PCDHA10: variants seen among roughly 807,000 people sequenced by gnomAD.
The protein encoded by PCDHA10 is protocadherin alpha-10.
In PCDHA10, 45 loss-of-function variants were observed where a neutral mutation model predicts 61.2. The ratio of observed to expected loss-of-function variants is 0.74; its 90% CI spans 0.58 to 0.94. The LOEUF (loss-of-function observed/expected upper bound fraction) is 0.94. Among genes scored for constraint, PCDHA10 ranks in the 40% least tolerant of loss-of-function variants. The pLI is 0.00. For missense variants in PCDHA10, 1,278 were observed against 1,236.2 expected, an observed-to-expected ratio of 1.03 and a Z score of -0.51; for synonymous variants, 602 against 548.8, an observed-to-expected ratio of 1.10 and a Z score of -1.35.
rs2096251750 is a variant in PCDHA10 at position 140,968,509 on chromosome 5, C to T, written c.2389-10440C>T. 3 of 1,614,162 alleles carry T rather than the reference C, an allele frequency of 1.9e-6. No individual in the cohort carries two copies. In the South Asian group the frequency reaches 3.3e-5, roughly 18 times the overall value. On this transcript the variant is annotated intron_variant, in intron 1 of 3. Coordinates refer to ENST00000307360, the MANE Select transcript of PCDHA10 (RefSeq NM_018901.4). Reference sequence around the variant, plus strand: ...ATGACCATGCCCCTCACATTCTGTACCCTACCTCAACCAACTCGTCAGCAG... The same window carrying T: ...ATGACCATGCCCCTCACATTCTGTATCCTACCTCAACCAACTCGTCAGCAG...
chr5:140,894,484 T>C (rs2064498102), intron 1 of PCDHA10, among the ~76,000 whole-genome samples: 1 of 152,002 alleles, frequency 6.6e-6, no homozygotes, highest in Admixed American at 6.5e-5. Flanking sequence ...TTTCATCTTA[T>C]AGTTTTCTTT....
At chr5:140,873,291 T>G (rs1392246125) in intron 1 of PCDHA10, among the ~76,000 whole-genome samples, 1 of 152,198 alleles carries the variant, frequency 6.6e-6, no homozygotes, top group Admixed American at 6.5e-5. Context: ...TTATGAAACT[T>G]TATAAATATA....
chr5:140,878,790 CTT>C (rs2057728380), intron 1 of PCDHA10, among the ~76,000 whole-genome samples: 1 of 152,154 alleles, frequency 6.6e-6, no homozygotes. Context: ...TGTTCAATCA[CTT>C]TTTAAAAACA....
intron 1 of PCDHA10, among the ~76,000 whole-genome samples, chr5:140,872,352 C>T (rs568415263): frequency 7.2e-5 from 11 of 152,170 alleles, no homozygotes; most frequent in African/African-American, 2.7e-4. Context: ...TCTTGCCAGG[C>T]AAAGTGGTTC....
At chr5:140,867,140 CATT>C (rs782677875) in intron 1 of PCDHA10, 7 of 152,092 alleles carry the variant, frequency 4.6e-5, no homozygotes, top group Non-Finnish European at 1.0e-4. Context: ...GTGATATTAT[CATT>C]TTTCCAGAGT....
Position 140,913,476 on chromosome 5 carries a change from T to G in PCDHA10, c.2388+55040T>G, listed in dbSNP as rs191224245. On this transcript the variant is annotated intron_variant, in intron 1 of 3. Transcript: ENST00000307360. ...TTTATTTACTTGGGTCTTCTCTCTT[T>G]TTTTCTTCATTAGTCTGTTTAAAAC... Among the ~76,000 whole-genome samples the G allele has an allele frequency of 5.9e-3, 899 of 152,286 alleles. 12 individuals carry two copies. Among genetic ancestry groups the G allele is most frequent in the African/African-American group, 0.02 (842 of 41,576 alleles).
chr5:140,927,886 G>C, intron 1 of PCDHA10: 1 of 1,614,210 alleles, frequency 6.2e-7, no homozygotes, highest in Non-Finnish European at 8.5e-7. Flanking sequence ...GGAGGTGACT[G>C]ACGTGAACGA....
intron 1 of PCDHA10, chr5:140,869,386 C>T: frequency 6.2e-7 from 1 of 1,614,176 alleles, no homozygotes; most frequent in Non-Finnish European, 8.5e-7. Context: ...CCGCGAGGAG[C>T]TGTGCGGGCA....
intron 1 of PCDHA10, among the ~76,000 whole-genome samples, chr5:140,889,687 T>C (rs1190333599): frequency 1.3e-5 from 2 of 152,198 alleles, no homozygotes; most frequent in African/African-American, 4.8e-5. Context: ...AACCTTTTAG[T>C]ATTATGGGCA....
intron 1 of PCDHA10, among the ~76,000 whole-genome samples, chr5:140,916,342 T>C (rs1365738177): frequency 2.0e-5 from 3 of 152,122 alleles, no homozygotes; most frequent in Admixed American, 6.5e-5. Context: ...TTCCTCTGTT[T>C]CTGTCAAACA....
chr5:140,982,526 T>A lies in PCDHA10; in HGVS notation c.2499T>A (p.Pro833=). Residue 833 remains proline (P), a synonymous_variant, in exon 3 of 4, where the codon CCT becomes CCA. Coordinates refer to ENST00000307360, the MANE Select transcript of PCDHA10 (RefSeq NM_018901.4). ...TTCTACGGGCTGGTCCAGGAGGGCC[T>A]GATCAGCAGTGGCCAACAGTATCCA... ...AGILRAGPGG[P]DQQWPTVSSA... is the part of the protein sequence containing the mutation. 1.2e-6 allele frequency: 2 copies of A among 1,614,192 alleles called. No individual in the cohort carries two copies. Among genetic ancestry groups the A allele is most frequent in the Non-Finnish European group, 1.7e-6 (2 of 1,180,028 alleles).
At chr5:140,978,910 T>C in intron 1 of PCDHA10, 39 bp from the exon 2 acceptor site, 1 of 1,613,896 alleles carries the variant, frequency 6.2e-7, no homozygotes, top group Non-Finnish European at 8.5e-7. Context: ...GAACATTGTC[T>C]TGTCATTTTA....
chr5:140,973,486 C>G (rs1404281642), intron 1 of PCDHA10, among the ~76,000 whole-genome samples: 1 of 152,162 alleles, frequency 6.6e-6, no homozygotes, highest in African/African-American at 2.4e-5. Context: ...ATATTGGTCA[C>G]AGGACTCTTC....
At chr5:140,928,610 C>T (rs935238036) in intron 1 of PCDHA10, 1 of 1,614,254 alleles carries the variant, frequency 6.2e-7, no homozygotes, top group Non-Finnish European at 8.5e-7. Flanking sequence ...GTGCCCCGCT[C>T]TGCCAGGACT....
chr5:140,866,180 T>C (rs2049194377), intron 1 of PCDHA10: 1 of 152,136 alleles, frequency 6.6e-6, no homozygotes, highest in African/African-American at 2.4e-5. Context: ...GTAAGAAAAG[T>C]CAGAAAACTG....
chr5:140,896,386 C>T (rs575002506), intron 1 of PCDHA10, among the ~76,000 whole-genome samples: 1 of 152,124 alleles, frequency 6.6e-6, no homozygotes, highest in African/African-American at 2.4e-5. Context: ...TGCAACCTCA[C>T]CAGCATCTGT....
intron 1 of PCDHA10, chr5:140,867,114 G>A (rs567577345): frequency 6.6e-6 from 1 of 152,050 alleles, no homozygotes; most frequent in Non-Finnish European, 1.5e-5. Flanking sequence ...TTAACATATT[G>A]TTTTAATTCA....
chr5:140,877,256 G>C lies in PCDHA10; in HGVS notation c.2388+18820G>C, dbSNP rs782364296. 2.5e-6 allele frequency: 4 copies of C among 1,613,628 alleles called. No homozygotes were observed. In the African/African-American group the frequency reaches 5.3e-5, roughly 22 times the overall value. On this transcript the variant is annotated intron_variant, in intron 1 of 3. Transcript: ENST00000307360. Reference sequence around the variant, plus strand: ...GCGGGCCACGTGGTGGCGAAAGTGCGCGCGGTGGACGCTGACTCCGGCTAT... The same window carrying C: ...GCGGGCCACGTGGTGGCGAAAGTGCCCGCGGTGGACGCTGACTCCGGCTAT...
At chr5:140,918,241 G>C (rs1241592397) in intron 1 of PCDHA10, among the ~76,000 whole-genome samples, 4 of 152,162 alleles carry the variant, frequency 2.6e-5, no homozygotes, top group Admixed American at 1.3e-4. Flanking sequence ...CATTGATTTT[G>C]TATGCTGAAA....
Sources: allele counts gnomAD v4.1 joint callset (sites outside exome capture counted in the v4.1 genomes callset), GRCh38; gene constraint gnomAD v4.1.1; transcripts MANE v1.5; gene names NCBI Gene and HGNC (gene_info 2026-07-23, HGNC 2026-07-21).